UBN1: variants seen among roughly 807,000 people sequenced by gnomAD.
UBN1 encodes ubinuclein-1.
A neutral mutation model predicts 108.5 loss-of-function variants in UBN1; 17 were observed. That is an observed-to-expected ratio of 0.16 (90% CI 0.11 to 0.24). UBN1 has a LOEUF of 0.24. Among genes scored for constraint, UBN1 ranks in the 10% least tolerant of loss-of-function variants. The probability of loss-of-function intolerance (pLI) is 1.00; values close to 1 mark genes in which losing one functional copy is unlikely to be tolerated. For synonymous variants in UBN1, 726 were observed against 564.2 expected, an observed-to-expected ratio of 1.29 and a Z score of -4.07; for missense variants, 1,595 against 1,394.4, an observed-to-expected ratio of 1.14 and a Z score of -2.29.
chr16:4,870,825 A>G lies in UBN1; in HGVS notation c.1431-19A>G, dbSNP rs918330765. 6.2e-7 allele frequency: 1 copy of G among 1,613,254 alleles called. No individual in the cohort carries two copies. The highest frequency in any genetic ancestry group is 1.3e-5 in the African/African-American group (1 of 74,928). On this transcript the variant is annotated intron_variant, in intron 10 of 17. Transcript: ENST00000262376. ...GCAGGAGCACCTTGGGGCCCCATGT[A>G]ATTCTATTCACCCCGTAGGATGCTG...
chr16:4,877,425 G>T lies in UBN1; in HGVS notation c.3306G>T (p.Ala1102=), dbSNP rs775109347. The T allele has an allele frequency of 6.8e-6, 11 of 1,612,332 alleles. No individual in the cohort carries two copies. The highest frequency in any genetic ancestry group is 9.3e-6 in the Non-Finnish European group (11 of 1,179,718). The part of the protein sequence containing the change: ...AGLHSSPPHA[A]PLPHAAVPTH... ...TGCACTCCAGCCCGCCCCATGCAGC[G>T]CCTCTCCCACACGCTGCGGTGCCCA... Residue 1102 remains alanine, a synonymous_variant, in exon 17 of 18, where the codon GCG becomes GCT. Transcript: ENST00000262376. The surrounding 1 kb of genome is among the most constrained non-coding windows in gnomAD (Gnocchi z 4.3).
intron 15 of UBN1, among the ~76,000 whole-genome samples, chr16:4,876,194 G>A (rs1212354589): frequency 3.3e-5 from 5 of 151,998 alleles, no homozygotes; most frequent in African/African-American, 1.2e-4. Flanking sequence ...TCCTGACCTC[G>A]TGATCTGCCC....
chr16:4,847,491 C>T lies in UBN1; in HGVS notation c.-759C>T, dbSNP rs542374002. Reference sequence around the variant, plus strand: ...AGCGCAGAGACTCCCGGCTCCTTCCCCCTCCCTTCGGCTCGTGACAACGAA... The same window carrying T: ...AGCGCAGAGACTCCCGGCTCCTTCCTCCTCCCTTCGGCTCGTGACAACGAA... On this transcript the variant is annotated 5_prime_UTR_variant, in exon 1 of 18. Transcript: ENST00000262376. 1.2e-5 allele frequency: 7 copies of T among 575,524 alleles called. No homozygotes were observed. Among genetic ancestry groups the T allele is most frequent in the Middle Eastern group, 4.7e-4 (1 of 2,128 alleles). 35.7% of individuals were successfully genotyped at this position (575,524 alleles called of 1,614,324 possible). A position where few individuals can be genotyped will look rare whatever the true frequency, so the allele number is the denominator to read the frequency against.
Position 4,880,705 on chromosome 16 carries a change from C to T in UBN1, c.*573C>T, listed in dbSNP as rs1016691298. Reference sequence around the variant, plus strand: ...TGCTCACTGTGGGGGCCAGTTTCTCCTCGGAACATGACAATGAAGCTCTTT... The same window carrying T: ...TGCTCACTGTGGGGGCCAGTTTCTCTTCGGAACATGACAATGAAGCTCTTT... On this transcript the variant is annotated 3_prime_UTR_variant, in exon 18 of 18. Transcript: ENST00000262376. 6.5e-6 allele frequency: 1 copy of T among 152,894 alleles called. No individual in the cohort carries two copies. The highest frequency in any genetic ancestry group is 2.4e-5 in the African/African-American group (1 of 41,454). 9.5% of individuals were successfully genotyped at this position (152,894 alleles called of 1,614,324 possible).
chr16:4,865,102 C>T (rs2087261158), intron 7 of UBN1, among the ~76,000 whole-genome samples: 2 of 152,274 alleles, frequency 1.3e-5, no homozygotes, highest in African/African-American at 4.8e-5. Context: ...GATTAATTCA[C>T]ACAACTTCTG....
At chr16:4,859,827 A>C in intron 5 of UBN1, 38 bp from the exon 6 acceptor site, 1 of 1,612,288 alleles carries the variant, frequency 6.2e-7, no homozygotes, top group Non-Finnish European at 8.5e-7. Context: ...TCCCTGAGTT[A>C]GGGAGCCGTG....
At chr16:4,867,085 C>G (rs571676722) in intron 7 of UBN1, among the ~76,000 whole-genome samples, 1 of 152,266 alleles carries the variant, frequency 6.6e-6, no homozygotes, top group Admixed American at 6.5e-5. Flanking sequence ...TGGGCCAGAT[C>G]GTGGAGGACC....
intron 1 of UBN1, among the ~76,000 whole-genome samples, chr16:4,850,154 T>C (rs2086489097): frequency 6.6e-6 from 1 of 152,184 alleles, no homozygotes. Context: ...ATGTTTCAAA[T>C]GGCTTAGTAA....
intron 6 of UBN1, 57 bp from the exon 7 acceptor site, chr16:4,860,607 G>T: frequency 2.6e-6 from 4 of 1,528,554 alleles, no homozygotes; most frequent in Non-Finnish European, 3.5e-6. Context: ...AAGGCCTCTG[G>T]AGTTCCCTTT....
chr16:4,862,845 C>T (rs924311371), intron 7 of UBN1, among the ~76,000 whole-genome samples: 1 of 152,202 alleles, frequency 6.6e-6, no homozygotes, highest in Non-Finnish European at 1.5e-5. Context: ...GCAAGCTGCC[C>T]CTCCTCAGTG....
intron 2 of UBN1, among the ~76,000 whole-genome samples, chr16:4,855,060 A>G (rs2086737711): frequency 6.6e-6 from 1 of 152,094 alleles, no homozygotes; most frequent in Non-Finnish European, 1.5e-5. Context: ...CTGCCTTTGC[A>G]CTGTGCTAGG....
chr16:4,850,884 T>A (rs1396904043), intron 1 of UBN1, among the ~76,000 whole-genome samples: 1 of 152,186 alleles, frequency 6.6e-6, no homozygotes, highest in Non-Finnish European at 1.5e-5. Flanking sequence ...AAATAATACA[T>A]AGGCTGGAAT....
chr16:4,872,000 T>A (rs1041385703), intron 12 of UBN1, among the ~76,000 whole-genome samples: 1 of 152,182 alleles, frequency 6.6e-6, no homozygotes, highest in Non-Finnish European at 1.5e-5. Context: ...GCTGACTCCT[T>A]ATTGGAACTA....
chr16:4,874,900 A>G lies in UBN1; in HGVS notation c.2490A>G (p.Pro830=), dbSNP rs2087808069. 1.2e-6 allele frequency: 2 copies of G among 1,614,048 alleles called. No individual in the cohort carries two copies. The highest frequency in any genetic ancestry group is 1.7e-5 in the Admixed American group (1 of 60,010). ...PSPFANKLQG[P]KASPTQCHRS... ...CATTTGCCAATAAGCTCCAAGGCCC[A>G]AAGGCTTCTCCCACACAGTGTCATC... Residue 830 remains proline (P), a synonymous_variant, in exon 15 of 18, where the codon CCA becomes CCG. Transcript: ENST00000262376.
rs149598095 is a variant in UBN1, at chr16:4,851,577, T to C, written c.-39-1302T>C. 5.7e-4 allele frequency among the ~76,000 whole-genome samples: 87 copies of C among 152,306 alleles called. 1 individual carries two copies. Among genetic ancestry groups the C allele is most frequent in the South Asian group, 3.3e-3 (16 of 4,830 alleles). ...CTAGTTTTAACTGCATACAAAGTTA[T>C]AATTTCCTTGGAAGGAGGGTCGCTT... On this transcript the variant is annotated intron_variant, in intron 1 of 17. Transcript: ENST00000262376.
At chr16:4,870,041 T>C (rs2087544147) in intron 8 of UBN1, among the ~76,000 whole-genome samples, 171 bp from the exon 9 acceptor site, 1 of 152,188 alleles carries the variant, frequency 6.6e-6, no homozygotes, top group Non-Finnish European at 1.5e-5. Context: ...GTTGTTGTTG[T>C]TTGTTGATTG....
intron 14 of UBN1, 145 bp downstream of exon 14, chr16:4,873,218 A>G: frequency 8.2e-7 from 1 of 1,226,786 alleles, no homozygotes; most frequent in Non-Finnish European, 1.2e-6. Context: ...AAGTCATAAC[A>G]GGACAGAGAC....
chr16:4,858,922 G>T (rs772895888), intron 4 of UBN1, 103 bp from the exon 5 acceptor site: 2 of 1,439,106 alleles, frequency 1.4e-6, no homozygotes, highest in Non-Finnish European at 1.9e-6. Flanking sequence ...GCATGCTCTT[G>T]GAAGTGGCAG....
intron 15 of UBN1, 148 bp downstream of exon 15, chr16:4,875,582 TCC>T: frequency 1.6e-6 from 2 of 1,224,296 alleles, no homozygotes; most frequent in Non-Finnish European, 2.3e-6. Flanking sequence ...GAGACTGGGC[TCC>T]CTGTTCTCAG....
Sources: allele counts gnomAD v4.1 joint callset (sites outside exome capture counted in the v4.1 genomes callset), GRCh38; gene constraint gnomAD v4.1.1; non-coding constraint Gnocchi (gnomAD v3.1); transcripts MANE v1.5; gene names NCBI Gene and HGNC (gene_info 2026-07-23, HGNC 2026-07-21).